The following NUP88 variants were observed in gnomAD, a reference collection of about 807,000 sequenced individuals.
NUP88 encodes nucleoporin 88.
NUP88 carries 57 observed loss-of-function variants against 93.9 expected under a neutral mutation model. The observed-to-expected ratio is 0.61, with a 90% confidence interval of 0.49 to 0.76. The LOEUF (loss-of-function observed/expected upper bound fraction) is 0.76, where lower values mean the gene tolerates loss of function less well. NUP88 is among the 30% of genes least tolerant of loss of function. NUP88 has a pLI of 0.00. For synonymous variants in NUP88, 346 were observed against 336.8 expected, an observed-to-expected ratio of 1.03 and a Z score of -0.30; for missense variants, 911 against 901.0, an observed-to-expected ratio of 1.01 and a Z score of -0.14.
At chr17:5,391,130 C>T (rs16954604) in intron 10 of NUP88, among the ~76,000 whole-genome samples, 47,132 of 151,972 alleles carry the variant, frequency 0.31, 7,951 homozygotes, top group East Asian at 0.6. Context: ...CATTTACTAA[C>T]CTCTCGATCC....
In NUP88 at chr17:5,416,430, A is replaced by G; in HGVS notation, c.467+83T>C. On this transcript the variant is annotated intron_variant, in intron 2 of 16. Coordinates refer to ENST00000573584, the MANE Select transcript of NUP88 (RefSeq NM_002532.6). ...TGTTTTAATGTTTTAAGAGTAGTAT[A>G]CTAAACATGCTTAAGAACCACTAGT... 4.1e-6 allele frequency: 4 copies of G among 965,176 alleles called. No homozygotes were observed. The South Asian group carries it at 7.4e-5, about 18-fold the overall frequency. 59.8% of individuals were successfully genotyped at this position (965,176 alleles called of 1,614,324 possible).
intron 8 of NUP88, among the ~76,000 whole-genome samples, chr17:5,399,321 T>C (rs1454805782): frequency 6.6e-6 from 1 of 151,450 alleles, no homozygotes; most frequent in Admixed American, 6.6e-5. Flanking sequence ...GTTCATAATA[T>C]TCCTTTATAA....
At chr17:5,387,955 G>A in intron 11 of NUP88, 51 bp from the exon 12 acceptor site, 1 of 1,524,024 alleles carries the variant, frequency 6.6e-7, no homozygotes, top group Non-Finnish European at 8.8e-7. Context: ...TAAAACAACT[G>A]AAAATAAATA....
intron 10 of NUP88, among the ~76,000 whole-genome samples, chr17:5,391,028 G>A (rs1450430074): frequency 6.6e-6 from 1 of 152,194 alleles, no homozygotes; most frequent in Non-Finnish European, 1.5e-5. Flanking sequence ...CAGGCTGGCA[G>A]AGATGGAGAA....
chr17:5,419,531 C>T lies in NUP88; in HGVS notation c.120G>A (p.Glu40=), dbSNP rs1914470431. The part of the protein sequence containing the change: ...GLKNQSPTEA[E]KPASSSLPSS... ...AAGGCAACGACGAAGAAGCTGGTTTCTCAGCTTCGGTTGGACTCTGGTTTT... is the reference window on the plus strand; with the variant it reads ...AAGGCAACGACGAAGAAGCTGGTTTTTCAGCTTCGGTTGGACTCTGGTTTT... Residue 40 remains glutamate, a synonymous_variant, in exon 1 of 17, where the codon GAG becomes GAA. Transcript: ENST00000573584. 2 of 1,613,838 alleles carry T rather than the reference C, an allele frequency of 1.2e-6. No individual in the cohort carries two copies. Among genetic ancestry groups the T allele is most frequent in the Non-Finnish European group, 1.7e-6 (2 of 1,179,836 alleles).
chr17:5,411,980 T>G (rs1913869224), intron 3 of NUP88, among the ~76,000 whole-genome samples: 1 of 152,196 alleles, frequency 6.6e-6, no homozygotes, highest in Admixed American at 6.5e-5. Context: ...AATGTTGTAC[T>G]GGGGAACAGT....
At chr17:5,416,828 A>AC in intron 1 of NUP88, 146 bp from the exon 2 acceptor site, 1 of 575,926 alleles carries the variant, frequency 1.7e-6, no homozygotes, top group East Asian at 4.0e-5. Context: ...CCATTAACTC[A>AC]CAAATTTTTT....
chr17:5,410,943 G>C (rs1806255), intron 3 of NUP88, among the ~76,000 whole-genome samples, 154 bp from the exon 4 acceptor site: 78,754 of 152,048 alleles, frequency 0.52, 21,813 homozygotes, highest in East Asian at 0.97. Context: ...AAGTAGTCTA[G>C]TTCATTTATT....
chr17:5,387,548 G>C (rs756319363), intron 13 of NUP88, 57 bp downstream of exon 13: 19 of 1,593,820 alleles, frequency 1.2e-5, no homozygotes, highest in Non-Finnish European at 1.5e-5. Context: ...ATCTTAGGGT[G>C]AGAATATGGT....
chr17:5,415,401 G>T (rs1231280189), intron 2 of NUP88, among the ~76,000 whole-genome samples: 5 of 152,272 alleles, frequency 3.3e-5, no homozygotes, highest in Admixed American at 6.5e-5. Context: ...TACAGTACAA[G>T]TGTTTTCAGA....
intron 13 of NUP88, 52 bp downstream of exon 13, chr17:5,387,553 T>C: frequency 6.3e-7 from 1 of 1,597,366 alleles, no homozygotes; most frequent in Non-Finnish European, 8.6e-7. Context: ...AGGGTGAGAA[T>C]ATGGTTCCAG....
At chr17:5,399,346 A>G (rs930690939) in intron 8 of NUP88, among the ~76,000 whole-genome samples, 3 of 151,626 alleles carry the variant, frequency 2.0e-5, no homozygotes, top group Non-Finnish European at 2.9e-5. Flanking sequence ...TTATTTCTGT[A>G]AGGTCAATAG....
intron 8 of NUP88, among the ~76,000 whole-genome samples, chr17:5,398,258 G>C (rs1912909571): frequency 6.6e-6 from 1 of 150,902 alleles, no homozygotes; most frequent in Non-Finnish European, 1.5e-5. Flanking sequence ...TTTTTGGATA[G>C]TTTTGATTAC....
At chr17:5,401,808 C>A (rs1402141934) in intron 7 of NUP88, among the ~76,000 whole-genome samples, 2 of 152,142 alleles carry the variant, frequency 1.3e-5, no homozygotes, top group African/African-American at 4.8e-5. Context: ...AAAGTCTTAA[C>A]ACTGGGGTGT....
At chr17:5,388,595 A>G (rs768470484) in intron 11 of NUP88, 1 of 487,680 alleles carries the variant, frequency 2.1e-6, no homozygotes, top group Non-Finnish European at 3.5e-6. Flanking sequence ...GCCTAGCCTA[A>G]CTTCTTTTTA....
At chr17:5,402,262 G>C (rs1156986143) in intron 7 of NUP88, among the ~76,000 whole-genome samples, 1 of 151,804 alleles carries the variant, frequency 6.6e-6, no homozygotes, top group Admixed American at 6.6e-5. Context: ...AGCCAAGATC[G>C]TGCCATTGCA....
intron 10 of NUP88, among the ~76,000 whole-genome samples, chr17:5,389,806 A>G (rs1912296941): frequency 6.8e-6 from 1 of 147,420 alleles, no homozygotes. Context: ...GTGAAAGTTC[A>G]TGAAATAGCA....
intron 16 of NUP88, 161 bp downstream of exon 16, chr17:5,386,545 CAT>C (rs61075007): frequency 0.45 from 303,923 of 674,580 alleles, 73,949 homozygotes; most frequent in East Asian, 0.84. Context: ...ATCCTCCCAC[CAT>C]AGTCATTTCT....
chr17:5,393,439 T>TC (rs1912571990), intron 9 of NUP88, among the ~76,000 whole-genome samples: 1 of 141,568 alleles, frequency 7.1e-6, no homozygotes, highest in African/African-American at 2.8e-5. Context: ...ACTTTTCTTT[T>TC]TTTTTTTTTT....
Sources: allele counts gnomAD v4.1 joint callset (sites outside exome capture counted in the v4.1 genomes callset), GRCh38; gene constraint gnomAD v4.1.1; transcripts MANE v1.5; gene names NCBI Gene and HGNC (gene_info 2026-07-23, HGNC 2026-07-21).